COL14A1: variants seen among roughly 807,000 people sequenced by gnomAD.
COL14A1 encodes the protein collagen type XIV alpha 1 chain, also known as collagen alpha-1(XIV) chain.
A neutral mutation model predicts 230.3 loss-of-function variants in COL14A1; 136 were observed. The observed-to-expected ratio is 0.59, with a 90% CI of 0.51 to 0.68. The LOEUF (loss-of-function observed/expected upper bound fraction) is 0.68, where lower values mean the gene tolerates loss of function less well. Among genes scored for constraint, COL14A1 ranks in the 30% least tolerant of loss-of-function variants. COL14A1 has a pLI of 0.00. For synonymous variants in COL14A1, 792 were observed against 784.1 expected, an observed-to-expected ratio of 1.01 and a Z score of -0.17; for missense variants, 1,976 against 2,215.8, an observed-to-expected ratio of 0.89 and a Z score of 2.17.
intron 36 of COL14A1, among the ~76,000 whole-genome samples, chr8:120,303,502 G>A (rs572054266): frequency 6.6e-6 from 1 of 152,192 alleles, no homozygotes; most frequent in Admixed American, 6.5e-5. Context: ...TAATTACGTG[G>A]TTTTTGTCTT....
At position 120,313,924 on chromosome 8, in the gene COL14A1, C is replaced by T. The variant is rs757523440; in HGVS notation, c.4456-8C>T. 1 of 1,598,454 alleles carries T rather than the reference C, an allele frequency of 6.3e-7. No individual in the cohort carries two copies. The highest frequency in any genetic ancestry group is 8.6e-7 in the Non-Finnish European group (1 of 1,168,700). ...CTTTTAGGATGATACTTCTCTCTTG[C>T]CTTCCAGGGACCAGATGGCCCTCGG... is the stretch of plus-strand genomic sequence containing the variant. On this transcript the variant is annotated splice_polypyrimidine_tract_variant and splice_region_variant and intron_variant, in intron 37 of 47. Coordinates refer to ENST00000297848, the MANE Select transcript of COL14A1 (RefSeq NM_021110.4).
chr8:120,262,784 T>A, intron 23 of COL14A1, 84 bp from the exon 24 acceptor site: 6 of 1,389,356 alleles, frequency 4.3e-6, no homozygotes, highest in Non-Finnish European at 5.9e-6. Flanking sequence ...ATGTGAAGTA[T>A]TTTAGAAGCA....
intron 10 of COL14A1, 152 bp downstream of exon 10, chr8:120,207,246 T>A: frequency 1.4e-6 from 1 of 705,426 alleles, no homozygotes; most frequent in Non-Finnish European, 2.2e-6. Context: ...GTTCATATTG[T>A]TCTCCCCTAT....
intron 35 of COL14A1, 57 bp downstream of exon 35, chr8:120,297,645 A>T: frequency 1.9e-6 from 2 of 1,036,708 alleles, no homozygotes; most frequent in South Asian, 6.2e-5. Context: ...ATTTTCTGGA[A>T]ATGAGAAGCT....
intron 34 of COL14A1, among the ~76,000 whole-genome samples, chr8:120,292,562 A>G (rs1176249029): frequency 6.6e-6 from 1 of 152,156 alleles, no homozygotes; most frequent in Non-Finnish European, 1.5e-5. Context: ...TTACTTAATC[A>G]TTTCAGTACA....
intron 40 of COL14A1, among the ~76,000 whole-genome samples, chr8:120,331,046 G>A (rs1447990891): frequency 4.1e-5 from 6 of 145,130 alleles, no homozygotes; most frequent in Admixed American, 2.1e-4. Context: ...GGGAAGTTGC[G>A]ATGAGCCAAG....
At chr8:120,348,740 C>T (rs1326392391) in intron 45 of COL14A1, among the ~76,000 whole-genome samples, 1 of 152,108 alleles carries the variant, frequency 6.6e-6, no homozygotes, top group Non-Finnish European at 1.5e-5. Context: ...ATCAGAAGTG[C>T]CCACTCTAAC....
At chr8:120,166,152 G>T (rs1815864909) in intron 4 of COL14A1, among the ~76,000 whole-genome samples, 1 of 152,172 alleles carries the variant, frequency 6.6e-6, no homozygotes, top group Non-Finnish European at 1.5e-5. Context: ...TAACTCCCGA[G>T]TAGAGACTGG....
intron 1 of COL14A1, among the ~76,000 whole-genome samples, chr8:120,135,420 C>T (rs567916717): frequency 6.6e-6 from 1 of 152,210 alleles, no homozygotes; most frequent in South Asian, 2.1e-4. Context: ...CGCACCACCA[C>T]AGCCTGTCTA....
intron 14 of COL14A1, among the ~76,000 whole-genome samples, chr8:120,217,911 CTA>C (rs1341488888): frequency 6.8e-6 from 1 of 147,464 alleles, no homozygotes; most frequent in African/African-American, 2.5e-5. Context: ...AAGAAATACT[CTA>C]TGTTTTGCTT....
intron 40 of COL14A1, among the ~76,000 whole-genome samples, chr8:120,322,110 T>C (rs1415771256): frequency 6.6e-6 from 1 of 151,862 alleles, no homozygotes; most frequent in East Asian, 1.9e-4. Flanking sequence ...TAAATGAATA[T>C]GTATATATTA....
chr8:120,237,770 ATGT>A, intron 19 of COL14A1, among the ~76,000 whole-genome samples: 1 of 151,880 alleles, frequency 6.6e-6, no homozygotes, highest in South Asian at 2.1e-4. Flanking sequence ...TTGGTCTTTG[ATGT>A]TGGTGACCTT....
At position 120,345,583 on chromosome 8, in the gene COL14A1, T is replaced by C; in HGVS notation, c.5077+20T>C. On this transcript the variant is annotated intron_variant, in intron 45 of 47. Transcript: ENST00000297848. ...AACGAGGTAAGCTGGGCCCCTTCTC[T>C]CAGAGGAACTCCTCTGAGTTGGGTG... 1 of 1,502,548 alleles carries C rather than the reference T, an allele frequency of 6.7e-7. No individual in the cohort carries two copies. The highest frequency in any genetic ancestry group is 1.9e-4 in the Middle Eastern group (1 of 5,176). 93.1% of individuals were successfully genotyped at this position (1,502,548 alleles called of 1,614,324 possible).
chr8:120,284,955 T>C (rs1820148388), intron 32 of COL14A1, among the ~76,000 whole-genome samples: 1 of 152,192 alleles, frequency 6.6e-6, no homozygotes, highest in Non-Finnish European at 1.5e-5. Flanking sequence ...AAAAATTCCA[T>C]AGGGCTTTGG....
At chr8:120,310,528 G>A (rs944655447) in intron 37 of COL14A1, among the ~76,000 whole-genome samples, 7 of 152,176 alleles carry the variant, frequency 4.6e-5, no homozygotes, top group Admixed American at 6.5e-5. Flanking sequence ...GTCATCAAAT[G>A]TGGTGGTTCA....
chr8:120,367,470 G>A (rs759386660), intron 46 of COL14A1, among the ~76,000 whole-genome samples: 14 of 152,112 alleles, frequency 9.2e-5, no homozygotes, highest in Non-Finnish European at 1.6e-4. Flanking sequence ...TGTGAGTTGC[G>A]ATAGGACAGA....
At position 120,196,858 on chromosome 8, in the gene COL14A1, T is replaced by C; in HGVS notation, c.504T>C (p.Ser168=). 8 of 1,613,956 alleles carry C rather than the reference T, an allele frequency of 5.0e-6. No homozygotes were observed. The highest frequency in any genetic ancestry group is 5.9e-6 in the Non-Finnish European group (7 of 1,179,974). The change falls in exon 6 of 48, where the codon AGT becomes AGC. Residue 168 remains serine, a synonymous_variant. Transcript: ENST00000297848. ...TAATCCTGGTCGATGGTTCATGGAG[T>C]ATTGGAAGATTCAACTTCAGACTGG... ...DIVILVDGSW[S]IGRFNFRLVR... is the part of the protein sequence containing the mutation.
At chr8:120,155,907 G>A (rs1013653008) in intron 2 of COL14A1, among the ~76,000 whole-genome samples, 1 of 152,042 alleles carries the variant, frequency 6.6e-6, no homozygotes, top group Non-Finnish European at 1.5e-5. Flanking sequence ...TTATTCTTAT[G>A]ATAAATTTAT....
chr8:120,155,768 C>T (rs1815456941), intron 2 of COL14A1, among the ~76,000 whole-genome samples: 1 of 152,092 alleles, frequency 6.6e-6, no homozygotes, highest in African/African-American at 2.4e-5. Context: ...TTTTAATTTT[C>T]TTCCATAAGT....
Sources: gnomAD v4.1 joint callset for allele counts (sites outside exome capture counted in the v4.1 genomes callset) on GRCh38, gnomAD v4.1.1 for gene constraint, MANE v1.5 for transcripts, NCBI Gene and HGNC (gene_info 2026-07-23, HGNC 2026-07-21) for gene names.